The following HYDIN variants were observed in gnomAD, a reference collection of about 807,000 sequenced individuals.
The protein encoded by HYDIN is HYDIN axonemal central pair apparatus protein.
In HYDIN, 132 loss-of-function variants were observed where a neutral mutation model predicts 403.9. The ratio of observed to expected loss-of-function variants is 0.33; its 90% CI spans 0.28 to 0.38. The LOEUF (loss-of-function observed/expected upper bound fraction) is 0.38. HYDIN is among the 10% of genes least tolerant of loss of function. The probability of loss-of-function intolerance (pLI) is 1.00; values close to 1 mark genes in which losing one functional copy is unlikely to be tolerated. For missense variants in HYDIN, 2,827 were observed against 5,009.5 expected (o/e 0.56, Z 13.15); for synonymous variants, 1,202 against 1,891.7 (o/e 0.64, Z 9.46).
intron 4 of HYDIN, among the ~76,000 whole-genome samples, chr16:71,178,419 CAAA>C (rs72161442): frequency 3.7e-4 from 46 of 123,978 alleles, no homozygotes; most frequent in East Asian, 2.9e-3. Context: ...AACTCTGTCT[CAAA>C]AAAAAAAAAA....
chr16:71,065,996 A>T (rs961676347), intron 15 of HYDIN, among the ~76,000 whole-genome samples: 5 of 152,164 alleles, frequency 3.3e-5, no homozygotes, highest in African/African-American at 1.2e-4. Context: ...TTGTCTGTTG[A>T]CCCAGTGACT....
At chr16:71,212,361 G>C (rs1306748788) in intron 1 of HYDIN, among the ~76,000 whole-genome samples, 7 of 152,152 alleles carry the variant, frequency 4.6e-5, no homozygotes, top group African/African-American at 7.2e-5. Context: ...AAGAGAAAGA[G>C]AACCACGAGC....
chr16:71,227,396 A>C (rs1001560321), intron 1 of HYDIN, among the ~76,000 whole-genome samples: 2 of 152,180 alleles, frequency 1.3e-5, no homozygotes, highest in Admixed American at 6.5e-5. Flanking sequence ...AGATGACATG[A>C]TTGTATATCT....
intron 84 of HYDIN, among the ~76,000 whole-genome samples, chr16:70,811,773 C>T (rs1297603252): frequency 1.3e-5 from 2 of 151,706 alleles, no homozygotes; most frequent in Non-Finnish European, 2.9e-5. Context: ...AGGAGAATTG[C>T]TTGAACTCGG....
chr16:71,031,656 A>C, intron 19 of HYDIN, 23 bp downstream of exon 19: 1 of 1,598,128 alleles, frequency 6.3e-7, no homozygotes, highest in Non-Finnish European at 8.5e-7. Context: ...ATCTATAAAA[A>C]CTGGTCCATG....
At chr16:71,225,610 A>G (rs999236430) in intron 1 of HYDIN, among the ~76,000 whole-genome samples, 10 of 152,154 alleles carry the variant, frequency 6.6e-5, no homozygotes, top group Non-Finnish European at 1.5e-4. Context: ...GATTCTGGCC[A>G]TAGGTATTGT....
intron 1 of HYDIN, among the ~76,000 whole-genome samples, chr16:71,219,465 G>A (rs2089077630): frequency 6.6e-6 from 1 of 152,032 alleles, no homozygotes; most frequent in Non-Finnish European, 1.5e-5. Flanking sequence ...ATTTAGTATA[G>A]GATTTGGTAT....
chr16:71,126,907 TC>T, intron 9 of HYDIN, among the ~76,000 whole-genome samples: 1 of 152,040 alleles, frequency 6.6e-6, no homozygotes, highest in South Asian at 2.1e-4. Flanking sequence ...AACCAAAATT[TC>T]AACAGTAAAA....
intron 7 of HYDIN, among the ~76,000 whole-genome samples, chr16:71,144,633 T>A (rs2085299552): frequency 1.3e-5 from 2 of 151,536 alleles, no homozygotes; most frequent in Admixed American, 6.6e-5. Flanking sequence ...AGAAAAACAT[T>A]AATGGGTAAA....
intron 18 of HYDIN, among the ~76,000 whole-genome samples, chr16:71,051,875 C>G (rs2081662412): frequency 6.6e-6 from 1 of 151,994 alleles, no homozygotes; most frequent in Non-Finnish European, 1.5e-5. Context: ...AAATTGAAAG[C>G]TGACACAAGA....
intron 18 of HYDIN, among the ~76,000 whole-genome samples, chr16:71,042,693 T>C (rs908816045): frequency 6.6e-6 from 1 of 152,216 alleles, no homozygotes; most frequent in Non-Finnish European, 1.5e-5. Context: ...ATCACATTCA[T>C]CCAAACTCAT....
chr16:71,066,859 A>G (rs1163526428), intron 15 of HYDIN: 1 of 495,210 alleles, frequency 2.0e-6, no homozygotes, highest in African/African-American at 1.9e-5. Flanking sequence ...GTCCCGGGGC[A>G]GGGACCTCTT....
chr16:71,179,122 C>T lies in HYDIN; in HGVS notation c.262-75G>A, dbSNP rs1219647616. On this transcript the variant is annotated intron_variant, in intron 3 of 85. Transcript: ENST00000393567. The stretch of plus-strand genomic sequence containing the variant: ...GACTGGGGAAGATAAGAAAATACTA[C>T]GTAGACCTGTGGATATTAAAACTAA... 2.4e-5 allele frequency: 27 copies of T among 1,142,384 alleles called. 1 individual carries two copies. The highest frequency in any genetic ancestry group is 2.8e-4 in the Middle Eastern group (1 of 3,568). 70.8% of individuals were successfully genotyped at this position (1,142,384 alleles called of 1,614,324 possible). A position where few individuals can be genotyped will look rare whatever the true frequency, so the allele number is the denominator to read the frequency against.
chr16:70,833,698 A>G (rs935162694), intron 79 of HYDIN, among the ~76,000 whole-genome samples, 189 bp downstream of exon 79: 1 of 136,382 alleles, frequency 7.3e-6, no homozygotes, highest in Admixed American at 7.4e-5. Context: ...TGTTATCTCA[A>G]CTGTAGTAAT....
intron 1 of HYDIN, among the ~76,000 whole-genome samples, chr16:71,199,736 G>A (rs2087890323): frequency 6.6e-6 from 1 of 152,150 alleles, no homozygotes; most frequent in African/African-American, 2.4e-5. Context: ...GGTATACAGG[G>A]ACAGATATTA....
At chr16:71,074,007 C>A (rs1474457325) in intron 13 of HYDIN, among the ~76,000 whole-genome samples, 1 of 152,162 alleles carries the variant, frequency 6.6e-6, no homozygotes, top group Non-Finnish European at 1.5e-5. Context: ...TCAATTCCAA[C>A]AGTCCCTGAT....
chr16:71,026,521 A>T (rs1366754111), intron 20 of HYDIN, among the ~76,000 whole-genome samples: 1 of 152,010 alleles, frequency 6.6e-6, no homozygotes, highest in African/African-American at 2.4e-5. Context: ...ATGCTCTTCC[A>T]ACAGCTGTCA....
intron 23 of HYDIN, among the ~76,000 whole-genome samples, chr16:70,997,147 C>T (rs2079557164): frequency 6.7e-6 from 1 of 149,738 alleles, no homozygotes; most frequent in African/African-American, 2.5e-5. Context: ...GAATCTAATG[C>T]CGCTGGATAC....
chr16:70,937,633 G>A, intron 44 of HYDIN, among the ~76,000 whole-genome samples: 1 of 112,418 alleles, frequency 8.9e-6, no homozygotes, highest in Non-Finnish European at 1.8e-5. Flanking sequence ...CGTGATGGAG[G>A]AACTCCAGCC....
Sources: allele counts gnomAD v4.1 joint callset (sites outside exome capture counted in the v4.1 genomes callset), GRCh38; gene constraint gnomAD v4.1.1; transcripts MANE v1.5; gene names NCBI Gene and HGNC (gene_info 2026-07-23, HGNC 2026-07-21).